The following CPEB3 variants were observed in gnomAD, a reference collection of about 807,000 sequenced individuals.
The protein encoded by CPEB3 is cytoplasmic polyadenylation element binding protein 3.
A neutral mutation model predicts 67.2 loss-of-function variants in CPEB3; 20 were observed. The observed-to-expected ratio is 0.30, with a 90% confidence interval of 0.21 to 0.43. The LOEUF is 0.43. Among genes scored for constraint, CPEB3 ranks in the 20% least tolerant of loss-of-function variants. The probability of loss-of-function intolerance (pLI) is 1.00; values close to 1 mark genes in which losing one functional copy is unlikely to be tolerated. For missense variants in CPEB3, 746 were observed against 968.6 expected (o/e 0.77, Z 3.05); for synonymous variants, 376 against 393.1 (o/e 0.96, Z 0.51).
intron 2 of CPEB3, among the ~76,000 whole-genome samples, chr10:92,226,858 C>A (rs1233217472): frequency 6.7e-6 from 1 of 150,154 alleles, no homozygotes; most frequent in Admixed American, 6.7e-5. Flanking sequence ...GGGGTGGGGG[C>A]CTGGAAGGAG....
chr10:92,200,311 G>A (rs1281069132), intron 2 of CPEB3, among the ~76,000 whole-genome samples: 5 of 151,994 alleles, frequency 3.3e-5, no homozygotes, highest in African/African-American at 4.8e-5. Context: ...TTGGGAGGCC[G>A]AGGTGGGCGG....
intron 6 of CPEB3, among the ~76,000 whole-genome samples, chr10:92,127,943 C>T (rs149616669): frequency 1.7e-4 from 25 of 149,552 alleles, no homozygotes; most frequent in Middle Eastern, 3.4e-3. Context: ...GTGCACTATA[C>T]ACCAAACACA....
intron 1 of CPEB3, among the ~76,000 whole-genome samples, chr10:92,259,563 T>C (rs1011749918): frequency 2.0e-5 from 3 of 150,508 alleles, no homozygotes; most frequent in Admixed American, 1.3e-4. Context: ...ATCGTGCCAC[T>C]GCACTCCAGC....
At chr10:92,161,493 G>A (rs183820443) in intron 4 of CPEB3, among the ~76,000 whole-genome samples, 15 of 152,120 alleles carry the variant, frequency 9.9e-5, no homozygotes, top group Admixed American at 5.2e-4. Context: ...GGCTGGTCTC[G>A]AACTCCTGAC....
chr10:92,172,043 C>A (rs1347777539), intron 4 of CPEB3, among the ~76,000 whole-genome samples: 1 of 152,120 alleles, frequency 6.6e-6, no homozygotes, highest in African/African-American at 2.4e-5. Context: ...CATTTGTAAT[C>A]ACAGCACTTT....
At chr10:92,187,863 A>G (rs893632279) in intron 3 of CPEB3, among the ~76,000 whole-genome samples, 3 of 152,122 alleles carry the variant, frequency 2.0e-5, no homozygotes, top group African/African-American at 4.8e-5. Context: ...CCCTCCTACT[A>G]CATCTGCCAA....
chr10:92,243,251 C>T (rs1004378171), intron 1 of CPEB3: 1 of 152,034 alleles, frequency 6.6e-6, no homozygotes, highest in Non-Finnish European at 1.5e-5. Context: ...ATTATGTGAC[C>T]GCTCTGGCAA....
chr10:92,144,481 G>A (rs553597328), intron 5 of CPEB3, among the ~76,000 whole-genome samples: 1 of 152,082 alleles, frequency 6.6e-6, no homozygotes, highest in South Asian at 2.1e-4. Context: ...GCCCAGGCTG[G>A]TCTTGAACCC....
intron 2 of CPEB3, among the ~76,000 whole-genome samples, chr10:92,211,567 C>T (rs1377579788): frequency 4.0e-4 from 60 of 149,338 alleles, no homozygotes; most frequent in Non-Finnish European, 6.9e-4. Context: ...GACAGAGTCT[C>T]GCTCTGTTGC....
chr10:92,214,981 G>A (rs1171003592), intron 2 of CPEB3, among the ~76,000 whole-genome samples: 1 of 151,692 alleles, frequency 6.6e-6, no homozygotes, highest in African/African-American at 2.4e-5. Flanking sequence ...CCAAGTAGCT[G>A]GAATTACAGG....
intron 8 of CPEB3, among the ~76,000 whole-genome samples, chr10:92,088,373 T>C (rs757441349): frequency 6.6e-6 from 1 of 151,548 alleles, no homozygotes. Flanking sequence ...ACTACAGGAG[T>C]GTGCCATCAT....
chr10:92,054,005 G>A (rs1409997610), intron 9 of CPEB3, among the ~76,000 whole-genome samples: 1 of 152,112 alleles, frequency 6.6e-6, no homozygotes, highest in Non-Finnish European at 1.5e-5. Flanking sequence ...TCTTATTGTG[G>A]TTTTGATTTG....
chr10:92,272,884 C>A (rs1853365291), intron 1 of CPEB3, among the ~76,000 whole-genome samples: 1 of 152,130 alleles, frequency 6.6e-6, no homozygotes, highest in African/African-American at 2.4e-5. Flanking sequence ...GTCAATGGAG[C>A]AGAGTGGACT....
At chr10:92,253,702 C>T (rs1480270349) in intron 1 of CPEB3, among the ~76,000 whole-genome samples, 2 of 151,464 alleles carry the variant, frequency 1.3e-5, no homozygotes, top group Admixed American at 1.3e-4. Flanking sequence ...TGTGATTGTG[C>T]CACTGCACTA....
At position 92,240,049 on chromosome 10, in the gene CPEB3, G is replaced by C. The variant is rs912023012; in HGVS notation, c.302C>G (p.Ala101Gly). The change falls in exon 2 of 10, where the codon GCG becomes GGG. Residue 101 changes from alanine to glycine, a missense_variant. Transcript: ENST00000265997. Reference sequence around the variant, plus strand: ...GCTGCCGAAGGACGGCGACAGCGACGCGCCCGGTGCCGCGGGCTCCTGAGG... The same window carrying C: ...GCTGCCGAAGGACGGCGACAGCGACCCGCCCGGTGCCGCGGGCTCCTGAGG... ...PPPQEPAAPG[A>G]SLSPSFGSTW... 5.0e-6 allele frequency: 8 copies of C among 1,596,798 alleles called. No individual in the cohort carries two copies. Among genetic ancestry groups the C allele is most frequent in the African/African-American group, 1.3e-5 (1 of 74,456 alleles).
At chr10:92,204,374 A>G (rs1849680701) in intron 2 of CPEB3, 1 of 152,210 alleles carries the variant, frequency 6.6e-6, no homozygotes, top group Non-Finnish European at 1.5e-5. Flanking sequence ...AAAAGCAATA[A>G]AACAACAGCT....
intron 6 of CPEB3, among the ~76,000 whole-genome samples, chr10:92,116,303 T>C (rs1590173708): frequency 6.6e-6 from 1 of 151,412 alleles, no homozygotes; most frequent in East Asian, 1.9e-4. Context: ...CTATTTTGCA[T>C]TTGCAAGCAT....
chr10:92,182,463 A>G (rs1848499846), intron 3 of CPEB3, among the ~76,000 whole-genome samples: 1 of 152,228 alleles, frequency 6.6e-6, no homozygotes, highest in Non-Finnish European at 1.5e-5. Flanking sequence ...GTTTTTGCCT[A>G]GACAGGACCA....
intron 9 of CPEB3, 42 bp downstream of exon 9, chr10:92,081,278 C>T (rs1366986879): frequency 6.2e-7 from 1 of 1,610,638 alleles, no homozygotes; most frequent in Non-Finnish European, 8.5e-7. Context: ...GAACAAACTT[C>T]TTTTCTCTCC....
Sources: gnomAD v4.1 joint callset for allele counts (sites outside exome capture counted in the v4.1 genomes callset) on GRCh38, gnomAD v4.1.1 for gene constraint, MANE v1.5 for transcripts, NCBI Gene and HGNC (gene_info 2026-07-23, HGNC 2026-07-21) for gene names.